Variants in FBXL20 observed in about 807,000 individuals in gnomAD.
The protein encoded by FBXL20 is F-box/LRR-repeat protein 20.
A neutral mutation model predicts 64.0 loss-of-function variants in FBXL20; 11 were observed. The ratio of observed to expected loss-of-function variants is 0.17; its 90% CI spans 0.11 to 0.28. The LOEUF is 0.28. Among genes scored for constraint, FBXL20 ranks in the 10% least tolerant of loss-of-function variants. The pLI is 1.00. For synonymous variants in FBXL20, 184 were observed against 189.0 expected, an observed-to-expected ratio of 0.97 and a Z score of 0.22; for missense variants, 303 against 526.2, an observed-to-expected ratio of 0.58 and a Z score of 4.15.
At chr17:39,295,951 T>C (rs562762616) in intron 6 of FBXL20, among the ~76,000 whole-genome samples, 2 of 152,210 alleles carry the variant, frequency 1.3e-5, no homozygotes, top group South Asian at 2.1e-4. Context: ...TCTCTACTAA[T>C]AGACATTGGG....
chr17:39,366,786 G>A (rs1028292617), intron 1 of FBXL20, among the ~76,000 whole-genome samples: 2 of 148,934 alleles, frequency 1.3e-5, no homozygotes, highest in African/African-American at 5.2e-5. Context: ...GTAACCTCTA[G>A]TTACTTTTGG....
At chr17:39,377,587 G>A (rs1302930433) in intron 1 of FBXL20, among the ~76,000 whole-genome samples, 3 of 150,220 alleles carry the variant, frequency 2.0e-5, no homozygotes, top group Admixed American at 1.3e-4. Context: ...TGCAAGCTCC[G>A]CCTCCCAGGT....
chr17:39,372,791 A>T (rs1301654522), intron 1 of FBXL20, among the ~76,000 whole-genome samples: 1 of 151,228 alleles, frequency 6.6e-6, no homozygotes, highest in Non-Finnish European at 1.5e-5. Flanking sequence ...ACACCTGGCT[A>T]ATTTTTTGTA....
chr17:39,270,228 T>C (rs1053615992), intron 11 of FBXL20, among the ~76,000 whole-genome samples: 5 of 152,152 alleles, frequency 3.3e-5, no homozygotes, highest in African/African-American at 1.2e-4. Context: ...GCTTAATCTA[T>C]TAGCTTATGA....
In FBXL20 at chr17:39,261,295, G is replaced by C; in HGVS notation, c.*165C>G. ...CAAAGCTAGAGTGGATGGGGGTAAGGGTGTGTATGTGTATGTATGTGTGGC... is the reference window on the plus strand; with the variant it reads ...CAAAGCTAGAGTGGATGGGGGTAAGCGTGTGTATGTGTATGTATGTGTGGC... On this transcript the variant is annotated 3_prime_UTR_variant, in exon 15 of 15. Coordinates refer to ENST00000264658, the MANE Select transcript of FBXL20 (RefSeq NM_032875.3). 1 of 625,924 alleles carries C rather than the reference G, an allele frequency of 1.6e-6. No homozygotes were observed. Among genetic ancestry groups the C allele is most frequent in the South Asian group, 1.7e-5 (1 of 57,196 alleles). 38.8% of individuals were successfully genotyped at this position (625,924 alleles called of 1,614,324 possible).
At chr17:39,263,130 G>C (rs563511255) in intron 14 of FBXL20, among the ~76,000 whole-genome samples, 2 of 151,818 alleles carry the variant, frequency 1.3e-5, no homozygotes, top group African/African-American at 4.8e-5. Flanking sequence ...CCTGTAATCC[G>C]AGCACTTTGG....
intron 1 of FBXL20, among the ~76,000 whole-genome samples, chr17:39,400,797 C>A (rs374473197): frequency 6.6e-6 from 1 of 152,192 alleles, no homozygotes; most frequent in Non-Finnish European, 1.5e-5. Context: ...TACAGAAGTA[C>A]AGACTAAACG....
At chr17:39,315,837 G>GAGAGAC (rs1270892605) in intron 2 of FBXL20, among the ~76,000 whole-genome samples, 1 of 77,018 alleles carries the variant, frequency 1.3e-5, no homozygotes, top group Non-Finnish European at 2.3e-5. Context: ...GACAGAGAGA[G>GAGAGAC]AGAGAGAGAG....
chr17:39,265,307 A>T, intron 13 of FBXL20, 90 bp downstream of exon 13: 1 of 963,618 alleles, frequency 1.0e-6, no homozygotes, highest in Non-Finnish European at 1.6e-6. Flanking sequence ...CTAAAATGGT[A>T]GCCAGACACT....
chr17:39,315,606 G>T (rs1363901633), intron 2 of FBXL20, among the ~76,000 whole-genome samples: 1 of 151,644 alleles, frequency 6.6e-6, no homozygotes, highest in Non-Finnish European at 1.5e-5. Flanking sequence ...TGAGGAGGGT[G>T]ACCTAGCAGG....
intron 2 of FBXL20, among the ~76,000 whole-genome samples, chr17:39,304,683 C>G (rs768625540): frequency 6.6e-6 from 1 of 152,164 alleles, no homozygotes. Context: ...CCTCAATCAC[C>G]CAGGCTCAGG....
intron 3 of FBXL20, among the ~76,000 whole-genome samples, chr17:39,301,422 C>T (rs1428234827): frequency 6.6e-6 from 1 of 152,040 alleles, no homozygotes; most frequent in Non-Finnish European, 1.5e-5. Flanking sequence ...CAGACCCGAT[C>T]CCTATAAAAA....
intron 2 of FBXL20, among the ~76,000 whole-genome samples, chr17:39,334,714 A>G (rs889006121): frequency 3.3e-5 from 5 of 152,208 alleles, no homozygotes; most frequent in Non-Finnish European, 1.5e-5. Flanking sequence ...ACCGCATGTT[A>G]TAACTAAAAG....
intron 1 of FBXL20, among the ~76,000 whole-genome samples, chr17:39,401,030 G>A (rs759403872): frequency 5.3e-5 from 8 of 152,244 alleles, no homozygotes; most frequent in Non-Finnish European, 1.0e-4. Context: ...GACCGGAGCC[G>A]TGATGGCTGG....
intron 2 of FBXL20, among the ~76,000 whole-genome samples, chr17:39,307,048 G>A (rs2047189775): frequency 6.6e-6 from 1 of 152,132 alleles, no homozygotes; most frequent in African/African-American, 2.4e-5. Flanking sequence ...TACAAAAGGG[G>A]GAAACATCTA....
At chr17:39,346,964 G>A (rs2047640015) in intron 1 of FBXL20, among the ~76,000 whole-genome samples, 1 of 151,540 alleles carries the variant, frequency 6.6e-6, no homozygotes, top group Admixed American at 6.6e-5. Context: ...GTCCTTGCAA[G>A]TTTGCTCGGA....
intron 8 of FBXL20, among the ~76,000 whole-genome samples, chr17:39,282,417 A>G (rs755735865): frequency 6.6e-6 from 1 of 152,212 alleles, no homozygotes; most frequent in African/African-American, 2.4e-5. Context: ...TCAGGCAGTG[A>G]CAACAAGCCA....
At chr17:39,382,617 G>A (rs1242507193) in intron 1 of FBXL20, among the ~76,000 whole-genome samples, 1 of 152,116 alleles carries the variant, frequency 6.6e-6, no homozygotes, top group Non-Finnish European at 1.5e-5. Context: ...AGGATCACTT[G>A]AGGCCAGGAG....
chr17:39,396,549 T>C (rs1371478047), intron 1 of FBXL20, among the ~76,000 whole-genome samples: 2 of 145,200 alleles, frequency 1.4e-5, no homozygotes, highest in Middle Eastern at 3.8e-3. Context: ...TGAGCCAAGA[T>C]CGCACCATTG....
Sources: gnomAD v4.1 joint callset for allele counts (sites outside exome capture counted in the v4.1 genomes callset) on GRCh38, gnomAD v4.1.1 for gene constraint, MANE v1.5 for transcripts, NCBI Gene and HGNC (gene_info 2026-07-23, HGNC 2026-07-21) for gene names.